Variants in FAM135A observed in about 807,000 individuals in gnomAD.
The protein encoded by FAM135A is protein FAM135A.
In FAM135A, 79 loss-of-function variants were observed where a neutral mutation model predicts 146.8. The ratio of observed to expected loss-of-function variants is 0.54; its 90% CI spans 0.45 to 0.65. The LOEUF is 0.65. FAM135A is among the 30% of genes least tolerant of loss of function. The pLI is 0.00. For synonymous variants in FAM135A, 562 were observed against 603.6 expected, an observed-to-expected ratio of 0.93 and a Z score of 1.01; for missense variants, 1,623 against 1,758.2, an observed-to-expected ratio of 0.92 and a Z score of 1.38.
intron 15 of FAM135A, 102 bp downstream of exon 15, chr6:70,526,800 C>CATATAT (rs1561981302): frequency 2.8e-6 from 2 of 725,314 alleles, no homozygotes; most frequent in African/African-American, 4.3e-5. Context: ...CACACACACA[C>CATATAT]ACATATATAT....
chr6:70,456,771 A>G (rs1315050676), intron 5 of FAM135A, among the ~76,000 whole-genome samples: 1 of 152,150 alleles, frequency 6.6e-6, no homozygotes, highest in East Asian at 1.9e-4. Flanking sequence ...ACCTCTGCTT[A>G]TTGACTTGTG....
At chr6:70,453,944 G>A (rs1416937963) in intron 5 of FAM135A, among the ~76,000 whole-genome samples, 2 of 152,082 alleles carry the variant, frequency 1.3e-5, no homozygotes, top group Non-Finnish European at 2.9e-5. Flanking sequence ...GAGATCGCTG[G>A]GTCAAACGAT....
intron 11 of FAM135A, among the ~76,000 whole-genome samples, chr6:70,494,053 CAAA>C (rs35693076): frequency 0.027 from 2,217 of 82,012 alleles, 31 homozygotes; most frequent in African/African-American, 0.089. Flanking sequence ...GACTCTGTCT[CAAA>C]AAAAAAAAAA....
At chr6:70,422,928 A>G (rs749928542) in intron 2 of FAM135A, among the ~76,000 whole-genome samples, 1 of 152,210 alleles carries the variant, frequency 6.6e-6, no homozygotes, top group Non-Finnish European at 1.5e-5. Context: ...AATATTTAGT[A>G]TGTTAGGTGG....
intron 2 of FAM135A, among the ~76,000 whole-genome samples, chr6:70,421,669 G>A (rs1299868377): frequency 6.6e-6 from 1 of 152,122 alleles, no homozygotes; most frequent in Non-Finnish European, 1.5e-5. Context: ...TAGTTTACTT[G>A]GCTGGATTCT....
intron 20 of FAM135A, among the ~76,000 whole-genome samples, chr6:70,549,015 A>G (rs1052584583): frequency 3.3e-5 from 5 of 152,166 alleles, no homozygotes; most frequent in Admixed American, 2.0e-4. Flanking sequence ...AAAAGATGCT[A>G]TACAGTATTG....
At chr6:70,424,935 G>A (rs919259653) in intron 2 of FAM135A, among the ~76,000 whole-genome samples, 3 of 151,912 alleles carry the variant, frequency 2.0e-5, no homozygotes, top group Non-Finnish European at 1.5e-5. Flanking sequence ...CTAGTACCAC[G>A]TTTTAGGATT....
At position 70,553,250 on chromosome 6, in the gene FAM135A, C is replaced by T. The variant is rs531561863; in HGVS notation, c.4229-3500C>T. On this transcript the variant is annotated intron_variant, in intron 20 of 21. Transcript: ENST00000418814. The stretch of plus-strand genomic sequence containing the variant: ...GTTTCTGGACCCACCTATAACTGCA[C>T]ACCATAGAAGTTCTCCTTTAACCTG... 2.0e-5 allele frequency among the ~76,000 whole-genome samples: 3 copies of T among 152,248 alleles called. No individual in the cohort carries two copies. In the South Asian group the frequency reaches 6.2e-4, roughly 32 times the overall value.
intron 11 of FAM135A, among the ~76,000 whole-genome samples, chr6:70,498,091 A>G (rs1787713000): frequency 6.6e-6 from 1 of 152,138 alleles, no homozygotes; most frequent in Non-Finnish European, 1.5e-5. Flanking sequence ...TCGGCTGTGA[A>G]TCTGTCTGGT....
chr6:70,531,815 A>G lies in FAM135A; in HGVS notation c.3776-1345A>G, dbSNP rs368138822. On this transcript the variant is annotated intron_variant, in intron 16 of 21. Transcript: ENST00000418814. ...ACCATTCTTCCGCTGAAGCTTCACC[A>G]TAAGTGTGATGTTTGTTCTTGCTTC... is the stretch of plus-strand genomic sequence containing the variant. Among the ~76,000 whole-genome samples, 83 of 151,080 alleles carry G rather than the reference A, an allele frequency of 5.5e-4. No homozygotes were observed. The East Asian group carries it at 8.6e-3, about 16-fold the overall frequency.
chr6:70,433,168 G>A (rs953541897), intron 4 of FAM135A, among the ~76,000 whole-genome samples: 2 of 151,470 alleles, frequency 1.3e-5, no homozygotes, highest in African/African-American at 2.4e-5. Flanking sequence ...TCCGCCTCCC[G>A]GGTTCATGCC....
Position 70,475,496 on chromosome 6 carries a change from G to A in FAM135A, c.244G>A (p.Val82Ile). 1 of 1,606,230 alleles carries A rather than the reference G, an allele frequency of 6.2e-7. No individual in the cohort carries two copies. The highest frequency in any genetic ancestry group is 8.5e-7 in the Non-Finnish European group (1 of 1,176,764). ...AATTTTGTACAAAAATGAAGAGGTT[G>A]TTTTAAATGATGTTATGATCTTCAA... ...FQILYKNEEV[V>I]LNDVMIFKVK... The change falls in exon 6 of 22, where the codon GTT (valine) becomes ATT (isoleucine). Residue 82 changes from valine (V) to isoleucine (I), a missense_variant. Val to Ile is a conservative substitution (Grantham distance 29). Transcript: ENST00000418814.
intron 20 of FAM135A, among the ~76,000 whole-genome samples, chr6:70,542,248 G>GCACACACACACACA (rs112638092): frequency 0.023 from 3,252 of 141,902 alleles, 45 homozygotes; most frequent in African/African-American, 0.026. Context: ...TTTTTATCCT[G>GCACACACACACACA]CACACACACA....
At chr6:70,513,451 CA>C (rs996877283) in intron 12 of FAM135A, 3 of 143,790 alleles carry the variant, frequency 2.1e-5, no homozygotes, top group African/African-American at 7.7e-5. Flanking sequence ...ATCTATAGAT[CA>C]ATTTAGGGAC....
chr6:70,419,378 C>T (rs1768257488), intron 2 of FAM135A, among the ~76,000 whole-genome samples: 1 of 151,886 alleles, frequency 6.6e-6, no homozygotes, highest in South Asian at 2.1e-4. Flanking sequence ...GAGATAGCGC[C>T]ACTGCACTCC....
chr6:70,537,926 ATTTGAC>A (rs1157791731), intron 19 of FAM135A, among the ~76,000 whole-genome samples: 1 of 152,146 alleles, frequency 6.6e-6, no homozygotes, highest in African/African-American at 2.4e-5. Context: ...CTGCATAGGC[ATTTGAC>A]TTACTACTGT....
chr6:70,559,593 A>G, intron 21 of FAM135A, 123 bp from the exon 22 acceptor site: 1 of 752,118 alleles, frequency 1.3e-6, no homozygotes, highest in Non-Finnish European at 2.0e-6. Flanking sequence ...AAAAAGAGCC[A>G]TTTTTCTGCT....
intron 11 of FAM135A, among the ~76,000 whole-genome samples, chr6:70,497,913 A>G (rs1282418623): frequency 6.6e-6 from 1 of 152,206 alleles, no homozygotes. Flanking sequence ...GATGTTCATC[A>G]GAGATATTGA....
At chr6:70,442,234 C>A in intron 4 of FAM135A, among the ~76,000 whole-genome samples, 1 of 135,572 alleles carries the variant, frequency 7.4e-6, no homozygotes. Context: ...AAAATTTCTT[C>A]ATGGGTTTTT....
Sources: gnomAD v4.1 joint callset for allele counts (sites outside exome capture counted in the v4.1 genomes callset) on GRCh38, gnomAD v4.1.1 for gene constraint, MANE v1.5 for transcripts, NCBI Gene and HGNC (gene_info 2026-07-23, HGNC 2026-07-21) for gene names.